Variants in SNX29 observed in about 807,000 individuals in gnomAD.
SNX29 encodes sorting nexin 29.
SNX29 carries 78 observed loss-of-function variants against 102.1 expected under a neutral mutation model. The ratio of observed to expected loss-of-function variants is 0.76; its 90% CI spans 0.64 to 0.92. The LOEUF (loss-of-function observed/expected upper bound fraction) is 0.92. Among genes scored for constraint, SNX29 ranks in the 40% least tolerant of loss-of-function variants. SNX29 has a pLI of 0.00. For synonymous variants in SNX29, 580 were observed against 414.5 expected, an observed-to-expected ratio of 1.40 and a Z score of -4.85; for missense variants, 1,280 against 1,061.7, an observed-to-expected ratio of 1.21 and a Z score of -2.86.
chr16:12,368,946 C>G (rs1278196581), intron 16 of SNX29, among the ~76,000 whole-genome samples: 3 of 152,136 alleles, frequency 2.0e-5, no homozygotes, highest in Non-Finnish European at 2.9e-5. Flanking sequence ...CATCAAAATC[C>G]TGAGCTCATG....
At chr16:12,016,639 G>T (rs2056857274) in intron 3 of SNX29, among the ~76,000 whole-genome samples, 2 of 152,142 alleles carry the variant, frequency 1.3e-5, no homozygotes, top group Admixed American at 1.3e-4. Flanking sequence ...GTGTCTTATT[G>T]TGGTTTGAAT....
chr16:12,562,983 C>G (rs571410691), intron 20 of SNX29, among the ~76,000 whole-genome samples: 4 of 120,510 alleles, frequency 3.3e-5, no homozygotes, highest in African/African-American at 1.0e-4. Flanking sequence ...AGGGCTGATG[C>G]GTAAGAAAAA....
chr16:12,564,385 C>G (rs1454201764), intron 20 of SNX29, among the ~76,000 whole-genome samples: 2 of 145,464 alleles, frequency 1.4e-5, no homozygotes, highest in African/African-American at 5.3e-5. Flanking sequence ...TCACCACCAA[C>G]TGCATAAATA....
At chr16:12,136,293 T>A (rs2054658176) in intron 13 of SNX29, among the ~76,000 whole-genome samples, 1 of 152,228 alleles carries the variant, frequency 6.6e-6, no homozygotes, top group South Asian at 2.1e-4. Flanking sequence ...AAGCACCCTG[T>A]TGATGCGTCA....
chr16:12,566,870 C>G (rs551900144), intron 20 of SNX29, among the ~76,000 whole-genome samples: 1 of 152,310 alleles, frequency 6.6e-6, no homozygotes, highest in African/African-American at 2.4e-5. Flanking sequence ...GCACAGAAGG[C>G]AAAGCAACAA....
At chr16:12,146,602 C>T (rs577548842) in intron 13 of SNX29, among the ~76,000 whole-genome samples, 13 of 152,262 alleles carry the variant, frequency 8.5e-5, no homozygotes, top group Middle Eastern at 3.4e-3. Flanking sequence ...AAGTTCTTGG[C>T]GGCAGGCTGA....
chr16:12,130,062 C>T (rs1042284188), intron 13 of SNX29, among the ~76,000 whole-genome samples: 2 of 151,536 alleles, frequency 1.3e-5, no homozygotes, highest in East Asian at 3.9e-4. Flanking sequence ...CGAAATCACA[C>T]CACTGCATTC....
chr16:12,434,741 A>G (rs1056645222), intron 18 of SNX29, among the ~76,000 whole-genome samples: 1 of 152,076 alleles, frequency 6.6e-6, no homozygotes, highest in Non-Finnish European at 1.5e-5. Context: ...AGGACAGTAC[A>G]GGTCAGACAG....
Position 12,477,821 on chromosome 16 carries a change from G to A in SNX29, c.2140G>A (p.Ala714Thr), listed in dbSNP as rs771614791. The A allele has an allele frequency of 1.9e-6, 3 of 1,611,858 alleles. No homozygotes were observed. Among genetic ancestry groups the A allele is most frequent in the South Asian group, 1.1e-5 (1 of 90,762 alleles). The change falls in exon 19 of 21, where the codon GCC becomes ACC. Residue 714 changes from alanine (A) to threonine (T), a missense_variant. Ala to Thr is a moderately conservative substitution (Grantham distance 58). Coordinates refer to ENST00000566228, the MANE Select transcript of SNX29 (RefSeq NM_032167.5). ...KLQNKYPQVR[A>T]YNFPPKKAIG... ...ACAAAACAAGTACCCTCAAGTGAGG[G>A]CCTACAACTTCCCACCCAAAAAGGC...
intron 16 of SNX29, among the ~76,000 whole-genome samples, chr16:12,390,646 C>T (rs2083497485): frequency 6.6e-6 from 1 of 152,148 alleles, no homozygotes; most frequent in Non-Finnish European, 1.5e-5. Flanking sequence ...ACCCCAAAAC[C>T]ACCATGCCCT....
chr16:12,136,004 C>A (rs1451001800), intron 13 of SNX29, among the ~76,000 whole-genome samples: 1 of 152,238 alleles, frequency 6.6e-6, no homozygotes, highest in Non-Finnish European at 1.5e-5. Context: ...GTCACTGGGA[C>A]CGGCCTCGCA....
At chr16:12,113,191 T>C (rs1329832020) in intron 11 of SNX29, among the ~76,000 whole-genome samples, 1 of 152,210 alleles carries the variant, frequency 6.6e-6, no homozygotes, top group African/African-American at 2.4e-5. Context: ...ACGGCATCTT[T>C]CATTTTGCAG....
intron 14 of SNX29, among the ~76,000 whole-genome samples, chr16:12,200,787 CAT>C (rs2076895682): frequency 6.6e-6 from 1 of 152,156 alleles, no homozygotes; most frequent in Admixed American, 6.5e-5. Flanking sequence ...TCCCAGCCCA[CAT>C]GTCTTCAGAG....
At chr16:12,028,128 C>T (rs1293372023) in intron 4 of SNX29, among the ~76,000 whole-genome samples, 1 of 152,136 alleles carries the variant, frequency 6.6e-6, no homozygotes, top group Non-Finnish European at 1.5e-5. Context: ...CAGCCCTGAC[C>T]ACGGCTGCTG....
intron 14 of SNX29, among the ~76,000 whole-genome samples, chr16:12,273,308 A>G (rs1466598235): frequency 6.6e-6 from 1 of 150,574 alleles, no homozygotes; most frequent in Non-Finnish European, 1.5e-5. Context: ...AGCCTTTGAG[A>G]GTGCATAATT....
At chr16:12,561,300 T>C (rs57594455) in intron 20 of SNX29, among the ~76,000 whole-genome samples, 19,965 of 152,062 alleles carry the variant, frequency 0.13, 2,714 homozygotes, top group African/African-American at 0.35. Flanking sequence ...TTCTCCATGA[T>C]CTTCACATCC....
intron 18 of SNX29, among the ~76,000 whole-genome samples, chr16:12,454,351 C>G (rs1159666907): frequency 1.3e-5 from 2 of 152,180 alleles, no homozygotes; most frequent in African/African-American, 2.4e-5. Context: ...GACTGCTTGT[C>G]CATCAGAAAA....
chr16:12,049,986 AT>A (rs2151210177), intron 7 of SNX29, among the ~76,000 whole-genome samples: 1 of 152,340 alleles, frequency 6.6e-6, no homozygotes, highest in Admixed American at 6.5e-5. Flanking sequence ...AACTGTGGCC[AT>A]CCCTTTGGAA....
At chr16:12,476,132 C>T (rs920057776) in intron 18 of SNX29, among the ~76,000 whole-genome samples, 11 of 151,240 alleles carry the variant, frequency 7.3e-5, no homozygotes, top group Admixed American at 2.6e-4. Flanking sequence ...ACCAGCCTGA[C>T]CAACATGGCA....
Sources: gnomAD v4.1 joint callset for allele counts (sites outside exome capture counted in the v4.1 genomes callset) on GRCh38, gnomAD v4.1.1 for gene constraint, MANE v1.5 for transcripts, NCBI Gene and HGNC (gene_info 2026-07-23, HGNC 2026-07-21) for gene names.